DRC8: variants seen among roughly 807,000 people sequenced by gnomAD.
DRC8 encodes dynein regulatory complex subunit 8.
At chr1:245,044,633 A>G in the DRC8 span, among the ~76,000 whole-genome samples, 2 of 151,928 alleles carry the variant, frequency 1.3e-5, no homozygotes, top group Non-Finnish European at 2.9e-5. Context: ...GCTGGAGTGC[A>G]GTGGCACCAT....
chr1:245,026,116 A>G, the DRC8 span, among the ~76,000 whole-genome samples: 2 of 152,222 alleles, frequency 1.3e-5, no homozygotes, highest in Admixed American at 1.3e-4. Flanking sequence ...TTTGCAGTCC[A>G]GCAGCACCAA....
the DRC8 span, among the ~76,000 whole-genome samples, chr1:245,053,345 A>G: frequency 3.9e-5 from 6 of 152,272 alleles, no homozygotes; most frequent in Non-Finnish European, 5.9e-5. Flanking sequence ...AACTGGAGAG[A>G]GGAAAAGCAT....
chr1:244,970,401 G>T, the DRC8 span: 1 of 1,538,754 alleles, frequency 6.5e-7, no homozygotes, highest in African/African-American at 1.4e-5. Context: ...TCTCCCAGGC[G>T]ACCGGCTCCG....
At chr1:245,041,862 C>T in the DRC8 span, among the ~76,000 whole-genome samples, 1 of 152,014 alleles carries the variant, frequency 6.6e-6, no homozygotes, top group South Asian at 2.1e-4. Flanking sequence ...AAAGTGGCGC[C>T]TACAAATTGA....
the DRC8 span, among the ~76,000 whole-genome samples, chr1:245,009,880 A>G: frequency 2.0e-5 from 3 of 151,898 alleles, no homozygotes; most frequent in Non-Finnish European, 4.4e-5. Context: ...TTTGAGATGG[A>G]GTCTCTCTCT....
the DRC8 span, chr1:245,002,103 G>A: frequency 5.7e-6 from 9 of 1,576,148 alleles, no homozygotes; most frequent in Non-Finnish European, 7.8e-6. Flanking sequence ...TACTCTTCAT[G>A]TGTCTCCTTT....
At chr1:244,992,823 A>G in the DRC8 span, among the ~76,000 whole-genome samples, 1 of 152,224 alleles carries the variant, frequency 6.6e-6, no homozygotes, top group Admixed American at 6.5e-5. Flanking sequence ...TCTGTAACCA[A>G]TTACTCCCAA....
chr1:245,010,257 A>C, the DRC8 span, among the ~76,000 whole-genome samples: 1 of 152,212 alleles, frequency 6.6e-6, no homozygotes, highest in Non-Finnish European at 1.5e-5. Context: ...TAGTATGTGA[A>C]GATAAAGATT....
chr1:244,993,985 G>A, the DRC8 span, among the ~76,000 whole-genome samples: 1 of 152,084 alleles, frequency 6.6e-6, no homozygotes, highest in African/African-American at 2.4e-5. Context: ...TCCATAGTAA[G>A]GAGGAAATGG....
At chr1:245,099,015 C>T in the DRC8 span, among the ~76,000 whole-genome samples, 14 of 152,130 alleles carry the variant, frequency 9.2e-5, no homozygotes, top group African/African-American at 3.4e-4. Context: ...CCATCACACC[C>T]TTGTCCCAGA....
At chr1:245,020,246 A>T in the DRC8 span, among the ~76,000 whole-genome samples, 33 of 152,302 alleles carry the variant, frequency 2.2e-4, no homozygotes, top group Admixed American at 6.5e-4. Context: ...TTGAAATTGT[A>T]TTGCATTAGA....
At chr1:245,072,392 A>G in the DRC8 span, among the ~76,000 whole-genome samples, 2 of 152,096 alleles carry the variant, frequency 1.3e-5, no homozygotes, top group African/African-American at 4.8e-5. Context: ...GGCACATGCC[A>G]TGCCCAGCTA....
the DRC8 span, among the ~76,000 whole-genome samples, chr1:245,040,144 A>T: frequency 3.3e-5 from 5 of 152,176 alleles, no homozygotes; most frequent in African/African-American, 1.2e-4. Flanking sequence ...TTAAAAAGGA[A>T]ATTCCAGGAC....
chr1:245,044,498 A>G, the DRC8 span, among the ~76,000 whole-genome samples: 21 of 151,862 alleles, frequency 1.4e-4, no homozygotes, highest in East Asian at 4.0e-3. Flanking sequence ...ATTTTATTTT[A>G]TCATTTATTT....
chr1:244,999,767 G>T, the DRC8 span, among the ~76,000 whole-genome samples: 1 of 152,018 alleles, frequency 6.6e-6, no homozygotes, highest in Non-Finnish European at 1.5e-5. Flanking sequence ...ATATACCATG[G>T]TTTTTCCTAT....
chr1:245,002,290 G>A, the DRC8 span: 3 of 1,408,032 alleles, frequency 2.1e-6, no homozygotes, highest in South Asian at 2.5e-5. Flanking sequence ...CCATCTCTCT[G>A]CCTCCAGCCT....
chr1:245,085,411 A>C, the DRC8 span, among the ~76,000 whole-genome samples: 10 of 152,218 alleles, frequency 6.6e-5, no homozygotes, highest in African/African-American at 2.2e-4. Flanking sequence ...TGAGTGAATG[A>C]GTAGATGATG....
At chr1:245,089,720 G>A in the DRC8 span, among the ~76,000 whole-genome samples, 2 of 152,228 alleles carry the variant, frequency 1.3e-5, no homozygotes, top group Admixed American at 6.5e-5. The surrounding 1 kb of genome is among the most constrained non-coding windows in gnomAD (Gnocchi z 4.8). Flanking sequence ...CAAGTTATTC[G>A]GCAGTGAAGA....
chr1:245,086,674 G>T, the DRC8 span: 1 of 526,478 alleles, frequency 1.9e-6, no homozygotes, highest in South Asian at 1.4e-5. Context: ...GCCAGGTACT[G>T]TTCTAAGTCC....
Sources: gnomAD v4.1 joint callset for allele counts (sites outside exome capture counted in the v4.1 genomes callset) on GRCh38, gnomAD v4.1.1 for gene constraint, Gnocchi (gnomAD v3.1) non-coding constraint, MANE v1.5 for transcripts, NCBI Gene and HGNC (gene_info 2026-07-23, HGNC 2026-07-21) for gene names.